Variants in PLXNA4 observed in about 807,000 individuals in gnomAD.
PLXNA4 encodes plexin-A4.
A neutral mutation model predicts 191.8 loss-of-function variants in PLXNA4; 44 were observed. The observed-to-expected ratio is 0.23, with a 90% CI of 0.18 to 0.29. The LOEUF (loss-of-function observed/expected upper bound fraction) is 0.29, where lower values mean the gene tolerates loss of function less well. Among genes scored for constraint, PLXNA4 ranks in the 10% least tolerant of loss-of-function variants. The probability of loss-of-function intolerance (pLI) is 1.00; values close to 1 mark genes in which losing one functional copy is unlikely to be tolerated. For synonymous variants in PLXNA4, 1,082 were observed against 1,009.5 expected, an observed-to-expected ratio of 1.07 and a Z score of -1.36; for missense variants, 1,800 against 2,488.8, an observed-to-expected ratio of 0.72 and a Z score of 5.89.
At chr7:132,422,667 T>G (rs1794889519) in intron 3 of PLXNA4, among the ~76,000 whole-genome samples, 1 of 152,242 alleles carries the variant, frequency 6.6e-6, no homozygotes, top group Non-Finnish European at 1.5e-5. Flanking sequence ...AGATGTCCAG[T>G]TGCCAGTTTA....
chr7:132,148,129 G>A (rs1252662190), intron 26 of PLXNA4, 130 bp from the exon 27 acceptor site: 2 of 1,364,690 alleles, frequency 1.5e-6, no homozygotes, highest in Non-Finnish European at 2.0e-6. Flanking sequence ...GACTTTGGAG[G>A]CTGTCAGCTT....
chr7:132,261,764 C>T (rs1799654328), intron 4 of PLXNA4, among the ~76,000 whole-genome samples: 1 of 152,204 alleles, frequency 6.6e-6, no homozygotes, highest in Admixed American at 6.5e-5. Flanking sequence ...CTCTGGGTAG[C>T]AGCCACTCTG....
chr7:132,269,664 CTTT>C (rs778720321), intron 4 of PLXNA4, among the ~76,000 whole-genome samples: 1 of 148,296 alleles, frequency 6.7e-6, no homozygotes, highest in African/African-American at 2.5e-5. Context: ...AAAAAAAGAT[CTTT>C]TTTTTTTTCT....
intron 3 of PLXNA4, among the ~76,000 whole-genome samples, chr7:132,420,887 C>A (rs1235891829): frequency 6.6e-6 from 1 of 152,166 alleles, no homozygotes; most frequent in African/African-American, 2.4e-5. Flanking sequence ...GTGAGATGTG[C>A]CTTTCACCTT....
At chr7:132,627,749 C>T (rs907402283) in intron 2 of PLXNA4, among the ~76,000 whole-genome samples, 4 of 152,206 alleles carry the variant, frequency 2.6e-5, no homozygotes, top group African/African-American at 9.6e-5. Flanking sequence ...AGCAAAAAGG[C>T]ACCATCTTTG....
chr7:132,368,749 C>G (rs1241585486), intron 3 of PLXNA4, among the ~76,000 whole-genome samples: 1 of 152,230 alleles, frequency 6.6e-6, no homozygotes, highest in Non-Finnish European at 1.5e-5. Flanking sequence ...TGCTGAGGAG[C>G]TGGGCCCCGC....
intron 4 of PLXNA4, among the ~76,000 whole-genome samples, chr7:132,252,316 T>G (rs914731873): frequency 7.8e-6 from 1 of 127,898 alleles, no homozygotes; most frequent in Non-Finnish European, 1.7e-5. Context: ...TTTTTTTTTT[T>G]TTTTTTTTTT....
At chr7:132,182,016 T>A in intron 17 of PLXNA4, 81 bp downstream of exon 17, 5 of 1,602,456 alleles carry the variant, frequency 3.1e-6, no homozygotes, top group Non-Finnish European at 4.3e-6. Context: ...GTTACCTCAG[T>A]ACTTGGGAAG....
At chr7:132,553,269 G>T (rs902168050) in intron 1 of PLXNA4, among the ~76,000 whole-genome samples, 3 of 152,218 alleles carry the variant, frequency 2.0e-5, no homozygotes, top group Non-Finnish European at 2.9e-5. Flanking sequence ...CATAAAGGAA[G>T]TGTGGGGACA....
chr7:132,412,634 T>A (rs117833581), intron 3 of PLXNA4, among the ~76,000 whole-genome samples: 14 of 152,160 alleles, frequency 9.2e-5, no homozygotes, highest in Non-Finnish European at 1.6e-4. Flanking sequence ...AAGGATCAGG[T>A]GACATGTTGA....
At chr7:132,597,853 C>CTATATA (rs1269609154) in intron 2 of PLXNA4, among the ~76,000 whole-genome samples, 27 of 59,686 alleles carry the variant, frequency 4.5e-4, no homozygotes, top group African/African-American at 3.8e-4. Flanking sequence ...CTCTCTCTCT[C>CTATATA]TCTCTCTATA....
chr7:132,353,920 A>C (rs1378594971), intron 3 of PLXNA4, among the ~76,000 whole-genome samples: 1 of 152,110 alleles, frequency 6.6e-6, no homozygotes, highest in African/African-American at 2.4e-5. Flanking sequence ...GCAACCCCTG[A>C]AAGTCTGAAT....
Position 132,194,156 on chromosome 7 carries a change from G to A in PLXNA4, c.2762C>T (p.Ala921Val), listed in dbSNP as rs757164280. ...GAAGCCTGCATGCTGGCTGGGCTTGGCCTCCCCCATCTCACACACGATCCT... is the reference window on the plus strand; with the variant it reads ...GAAGCCTGCATGCTGGCTGGGCTTGACCTCCCCCATCTCACACACGATCCT... The part of the protein sequence containing the change: ...AEQIVCEMGE[A>V]KPSQHAGFVE... The change falls in exon 14 of 32, where the codon GCC becomes GTC. Residue 921 changes from alanine to valine, a missense_variant. Physicochemically the swap from Ala to Val is moderately conservative, Grantham distance 64. This residue lies in a region of PLXNA4 where 1,397 missense variants were observed against 1,880.4 expected (regional missense o/e 0.74). Coordinates refer to ENST00000321063, the MANE Select transcript of PLXNA4 (RefSeq NM_020911.2). The A allele has an allele frequency of 6.2e-7, 1 of 1,613,730 alleles. No homozygotes were observed. Among genetic ancestry groups the A allele is most frequent in the African/African-American group, 1.3e-5 (1 of 75,024 alleles).
intron 1 of PLXNA4, among the ~76,000 whole-genome samples, chr7:132,563,104 TCCTCTC>T (rs1563175495): frequency 1.9e-5 from 2 of 103,032 alleles, no homozygotes; most frequent in African/African-American, 3.7e-5. Context: ...TTCCTCCTCC[TCCTCTC>T]CCTCCTCCTC....
chr7:132,561,408 CTCCTCT>C, intron 1 of PLXNA4, among the ~76,000 whole-genome samples: 1 of 144,168 alleles, frequency 6.9e-6, no homozygotes, highest in African/African-American at 2.6e-5. Flanking sequence ...CTTCCTCCTC[CTCCTCT>C]TCCTCCTCCT....
chr7:132,150,408 C>T (rs1373497818), intron 25 of PLXNA4, among the ~76,000 whole-genome samples: 1 of 152,198 alleles, frequency 6.6e-6, no homozygotes, highest in Non-Finnish European at 1.5e-5. Flanking sequence ...TGCTGGTGGA[C>T]ACCAGTCTGG....
At chr7:132,437,071 C>G (rs61593924) in intron 3 of PLXNA4, among the ~76,000 whole-genome samples, 1 of 152,218 alleles carries the variant, frequency 6.6e-6, no homozygotes, top group Non-Finnish European at 1.5e-5. Flanking sequence ...CCCCAAAACA[C>G]GGATGGGAAG....
intron 8 of PLXNA4, among the ~76,000 whole-genome samples, chr7:132,225,144 T>C (rs1798274277): frequency 6.6e-6 from 1 of 152,000 alleles, no homozygotes; most frequent in Non-Finnish European, 1.5e-5. Flanking sequence ...ATTTCTATGG[T>C]GAGAAGAAAA....
intron 3 of PLXNA4, chr7:132,485,097 C>T (rs1797500651): frequency 1.9e-6 from 3 of 1,563,814 alleles, no homozygotes; most frequent in African/African-American, 1.4e-5. Flanking sequence ...TGACAATTCC[C>T]AATAAGAATG....
Sources: allele counts gnomAD v4.1 joint callset (sites outside exome capture counted in the v4.1 genomes callset), GRCh38; gene constraint gnomAD v4.1.1; regional missense constraint gnomAD v4.1.1; transcripts MANE v1.5; gene names NCBI Gene and HGNC (gene_info 2026-07-23, HGNC 2026-07-21).